The following CEP128 variants were observed in gnomAD, a reference collection of about 807,000 sequenced individuals.
CEP128 encodes centrosomal protein 128kDa.
A neutral mutation model predicts 156.7 loss-of-function variants in CEP128; 132 were observed. The ratio of observed to expected loss-of-function variants is 0.84; its 90% CI spans 0.73 to 0.97. The LOEUF (loss-of-function observed/expected upper bound fraction) is 0.97. Ranked by LOEUF, CEP128 falls within the 50% of genes least tolerant of loss-of-function variation. The pLI is 0.00. For synonymous variants in CEP128, 469 were observed against 448.9 expected (o/e 1.04, Z -0.57); for missense variants, 1,252 against 1,281.9 (o/e 0.98, Z 0.36).
At chr14:80,480,629 GT>G (rs1887034349) in intron 14 of CEP128, among the ~76,000 whole-genome samples, 1 of 152,154 alleles carries the variant, frequency 6.6e-6, no homozygotes, top group African/African-American at 2.4e-5. Flanking sequence ...CAGAAAATAG[GT>G]TTTTCTTTTC....
intron 21 of CEP128, among the ~76,000 whole-genome samples, chr14:80,531,748 T>G (rs1889235669): frequency 6.6e-6 from 1 of 152,186 alleles, no homozygotes; most frequent in Non-Finnish European, 1.5e-5. Flanking sequence ...AGAAGTGTAC[T>G]GCAAGAACCT....
At chr14:80,691,905 A>G (rs549959964) in intron 19 of CEP128, among the ~76,000 whole-genome samples, 1 of 152,354 alleles carries the variant, frequency 6.6e-6, no homozygotes, top group South Asian at 2.1e-4. Context: ...AGGGAATATC[A>G]TCCAAAATTA....
chr14:80,573,548 G>A (rs977899589), intron 20 of CEP128, among the ~76,000 whole-genome samples: 2 of 152,096 alleles, frequency 1.3e-5, no homozygotes, highest in Non-Finnish European at 1.5e-5. Flanking sequence ...GTTTTATACT[G>A]TCATAAATTT....
intron 19 of CEP128, among the ~76,000 whole-genome samples, chr14:80,678,049 A>AATATATATATATATATATATAT (rs1555390205): frequency 6.1e-5 from 6 of 98,492 alleles, no homozygotes; most frequent in African/African-American, 1.6e-4. Context: ...ATAAAAAAAA[A>AATATATATATATATATATATAT]ATATATATAT....
chr14:80,797,410 A>G (rs1194416288), intron 13 of CEP128, among the ~76,000 whole-genome samples: 6 of 152,208 alleles, frequency 3.9e-5, no homozygotes, highest in African/African-American at 1.4e-4. Context: ...TGTGGTTTTC[A>G]CTACTCAAGA....
chr14:80,932,280 T>C (rs1885512085), intron 2 of CEP128, among the ~76,000 whole-genome samples: 1 of 152,208 alleles, frequency 6.6e-6, no homozygotes, highest in Admixed American at 6.5e-5. Flanking sequence ...TGGACCAACA[T>C]ACTTCTCAAC....
chr14:80,901,455 T>G (rs917002397), intron 6 of CEP128, among the ~76,000 whole-genome samples: 1 of 152,164 alleles, frequency 6.6e-6, no homozygotes, highest in African/African-American at 2.4e-5. Flanking sequence ...GCTCAAAATC[T>G]GATATGAGAG....
Position 80,905,941 on chromosome 14 carries a change from T to C in CEP128, c.361+14A>G, listed in dbSNP as rs1007735387. 15 of 1,606,054 alleles carry C rather than the reference T, an allele frequency of 9.3e-6. No homozygotes were observed. The highest frequency in any genetic ancestry group is 1.2e-5 in the Non-Finnish European group (14 of 1,177,884). Reference sequence around the variant, plus strand: ...AATATTTTTAATGTTTTTCAGAACATTTGAAGTGTTTACCTGACCCAGTGC... The same window carrying C: ...AATATTTTTAATGTTTTTCAGAACACTTGAAGTGTTTACCTGACCCAGTGC... On this transcript the variant is annotated intron_variant, in intron 5 of 24. Coordinates refer to ENST00000555265, the MANE Select transcript of CEP128 (RefSeq NM_152446.5).
At chr14:80,903,610 C>T (rs1315433950) in intron 6 of CEP128, among the ~76,000 whole-genome samples, 9 of 150,640 alleles carry the variant, frequency 6.0e-5, no homozygotes, top group Non-Finnish European at 1.0e-4. Flanking sequence ...TCTGACAAGG[C>T]GTTAATATCC....
intron 2 of CEP128, chr14:80,955,612 AC>A (rs1259912885): frequency 1.9e-5 from 30 of 1,598,412 alleles, no homozygotes; most frequent in Non-Finnish European, 2.6e-5. Flanking sequence ...GCCTGGGGTA[AC>A]CCGAGGTGCA....
At chr14:80,886,135 A>C (rs1320076433) in intron 8 of CEP128, among the ~76,000 whole-genome samples, 1 of 152,194 alleles carries the variant, frequency 6.6e-6, no homozygotes, top group African/African-American at 2.4e-5. Context: ...CTATGTGAAA[A>C]GACCAAACCT....
At chr14:80,759,937 C>CAT (rs531263450) in intron 17 of CEP128, among the ~76,000 whole-genome samples, 274 of 149,248 alleles carry the variant, frequency 1.8e-3, no homozygotes, top group African/African-American at 6.2e-3. Flanking sequence ...TGTGTGTATA[C>CAT]ATATATATAT....
At chr14:80,718,821 G>A (rs1566875109) in intron 19 of CEP128, among the ~76,000 whole-genome samples, 1 of 152,172 alleles carries the variant, frequency 6.6e-6, no homozygotes, top group Non-Finnish European at 1.5e-5. Flanking sequence ...AGGCTAAATA[G>A]GTACATGGGC....
At chr14:80,765,114 TCGAGTGTGGAGATAGAGTAAACGACA>T (rs1385703324) in intron 16 of CEP128, among the ~76,000 whole-genome samples, 5 of 152,170 alleles carry the variant, frequency 3.3e-5, no homozygotes, top group Non-Finnish European at 7.3e-5. Flanking sequence ...CTGGCTAAGA[TCGAGTGTGGAGATAGAGTAAACGACA>T]CAGACAGGCA....
chr14:80,546,435 T>G (rs916027117), intron 21 of CEP128, among the ~76,000 whole-genome samples: 5 of 152,190 alleles, frequency 3.3e-5, no homozygotes, highest in Non-Finnish European at 5.9e-5. Flanking sequence ...CCTACACTTC[T>G]GGAACAAACG....
chr14:80,834,357 T>G (rs1459979856), intron 12 of CEP128, among the ~76,000 whole-genome samples: 1 of 152,162 alleles, frequency 6.6e-6, no homozygotes, highest in Non-Finnish European at 1.5e-5. Flanking sequence ...ACGACATCCT[T>G]GGAATTGACA....
chr14:80,936,392 G>A (rs1050457299), intron 2 of CEP128, among the ~76,000 whole-genome samples: 2 of 152,082 alleles, frequency 1.3e-5, no homozygotes, highest in African/African-American at 4.8e-5. Context: ...AAAAGAAAGA[G>A]AGAAAGAGAG....
rs189565781 is a variant in CEP128 at position 80,513,736 on chromosome 14, G to A, written c.3073-8716C>T. ...TGGGTTTTATTTAATTCTATATATCGTGACTTACTTTCCAATCTGACTCTG... is the reference window on the plus strand; with the variant it reads ...TGGGTTTTATTTAATTCTATATATCATGACTTACTTTCCAATCTGACTCTG... On this transcript the variant is annotated intron_variant, in intron 23 of 24. Coordinates refer to ENST00000555265, the MANE Select transcript of CEP128 (RefSeq NM_152446.5). 1.0e-3 allele frequency among the ~76,000 whole-genome samples: 155 copies of A among 152,106 alleles called. 1 individual carries two copies. Among genetic ancestry groups the A allele is most frequent in the African/African-American group, 3.6e-3 (149 of 41,504 alleles).
At chr14:80,855,522 A>T (rs545958797) in intron 9 of CEP128, among the ~76,000 whole-genome samples, 1 of 152,282 alleles carries the variant, frequency 6.6e-6, no homozygotes, top group South Asian at 2.1e-4. Flanking sequence ...AACTATGCAA[A>T]ATATGAATAT....
Sources: gnomAD v4.1 joint callset for allele counts (sites outside exome capture counted in the v4.1 genomes callset) on GRCh38, gnomAD v4.1.1 for gene constraint, MANE v1.5 for transcripts, NCBI Gene and HGNC (gene_info 2026-07-23, HGNC 2026-07-21) for gene names.